Variants in PRR12 observed in about 807,000 individuals in gnomAD.
The protein encoded by PRR12 is proline-rich protein 12.
In PRR12, 12 loss-of-function variants were observed where a neutral mutation model predicts 138.0. The ratio of observed to expected loss-of-function variants is 0.09; its 90% CI spans 0.06 to 0.14. The LOEUF (loss-of-function observed/expected upper bound fraction) is 0.14, where lower values mean the gene tolerates loss of function less well. Ranked by LOEUF, PRR12 falls within the 10% of genes least tolerant of loss-of-function variation. The pLI is 1.00. For synonymous variants in PRR12, 1,567 were observed against 1,291.7 expected, an observed-to-expected ratio of 1.21 and a Z score of -4.57; for missense variants, 2,692 against 2,861.3, an observed-to-expected ratio of 0.94 and a Z score of 1.35.
intron 11 of PRR12, among the ~76,000 whole-genome samples, chr19:49,622,950 GAGAGAGAA>G (rs1362787708): frequency 0.061 from 6,918 of 113,876 alleles, 236 homozygotes; most frequent in African/African-American, 0.082. Context: ...GAGAGAGAGA[GAGAGAGAA>G]AGAGAGAGAG....
At chr19:49,617,540 A>G (rs1344818038) in intron 9 of PRR12, among the ~76,000 whole-genome samples, 6 of 152,180 alleles carry the variant, frequency 3.9e-5, no homozygotes, top group Non-Finnish European at 8.8e-5. Flanking sequence ...CTGAGGCAGA[A>G]GGATCACTTG....
rs1190605258 is a variant in PRR12, at chr19:49,616,091, A to G, written c.5369A>G (p.Lys1790Arg). ...CCCAAAGCCCGGCCTACCAAGGTGA[A>G]GGCTGAACCGCCCCCTAAGAAGAGG... is the stretch of plus-strand genomic sequence containing the variant. ...RLPKARPTKV[K>R]AEPPPKKRKK... Residue 1790 changes from lysine to arginine, a missense_variant, in exon 9 of 14, where the codon AAG (lysine) becomes AGG (arginine). Physicochemically the swap from Lys to Arg is conservative, Grantham distance 26 (BLOSUM62 2). Transcript: ENST00000418929. The surrounding 1 kb of genome is among the most constrained non-coding windows in gnomAD (Gnocchi z 4.2). The G allele has an allele frequency of 1.9e-6, 3 of 1,568,844 alleles. No individual in the cohort carries two copies. Among genetic ancestry groups the G allele is most frequent in the South Asian group, 1.2e-5 (1 of 84,948 alleles).
At chr19:49,607,713 G>T (rs1356777550) in intron 6 of PRR12, among the ~76,000 whole-genome samples, 1 of 115,562 alleles carries the variant, frequency 8.7e-6, no homozygotes, top group Admixed American at 9.1e-5. Context: ...GTCTCAAAAA[G>T]AAAAAAAAAA....
Position 49,597,769 on chromosome 19 carries a change from C to G in PRR12, c.3434C>G (p.Pro1145Arg), listed in dbSNP as rs760825547. ...CTGGGGGACATCGACTTCTGCCCAC[C>G]CAACCCAGGACCCGATGGCCCCCGG... ...SPLGDIDFCP[P>R]NPGPDGPRRR... is the part of the protein sequence containing the mutation. Residue 1145 changes from proline to arginine, a missense_variant, in exon 4 of 14, where the codon CCC (proline) becomes CGC (arginine). Physicochemically the swap from Pro to Arg is moderately radical, Grantham distance 103 (BLOSUM62 -2). This residue lies in a region of PRR12 where 326 missense variants were observed against 344.2 expected (regional missense o/e 0.95). Coordinates refer to ENST00000418929, the MANE Select transcript of PRR12 (RefSeq NM_020719.3). The surrounding 1 kb of genome is among the most constrained non-coding windows in gnomAD (Gnocchi z 6.3). 3 of 1,604,054 alleles carry G rather than the reference C, an allele frequency of 1.9e-6. No individual in the cohort carries two copies. The highest frequency in any genetic ancestry group is 2.6e-6 in the Non-Finnish European group (3 of 1,176,044).
rs1250247605 is a variant in PRR12, at chr19:49,595,976, C to T, written c.1641C>T (p.Gly547=). ...HSPALSGHGG[G]WGPSSLGGGG... is the part of the protein sequence containing the mutation. ...CAGCGCTCTCGGGCCATGGGGGTGG[C>T]TGGGGACCCAGCTCCCTGGGAGGCG... Residue 547 remains glycine, a synonymous_variant, in exon 4 of 14, where the codon GGC becomes GGT. Transcript: ENST00000418929. 2 of 1,600,634 alleles carry T rather than the reference C, an allele frequency of 1.2e-6. No individual in the cohort carries two copies.
Position 49,625,229 on chromosome 19 carries a change from C to G in PRR12, c.5964+29C>G. The G allele has an allele frequency of 6.3e-7, 1 of 1,599,056 alleles. No homozygotes were observed. Among genetic ancestry groups the G allele is most frequent in the South Asian group, 1.1e-5 (1 of 90,682 alleles). ...AGCCCCACCCACAGCACCCATCGCC[C>G]TGGGATTCCAACCTTTCTGACTTCC... is the stretch of plus-strand genomic sequence containing the variant. On this transcript the variant is annotated intron_variant, in intron 13 of 13. Coordinates refer to ENST00000418929, the MANE Select transcript of PRR12 (RefSeq NM_020719.3). This position sits in a 1 kb window ranked among gnomAD's most constrained non-coding sequence, Gnocchi z 5.5.
At chr19:49,624,360 G>A (rs948441684) in intron 11 of PRR12, among the ~76,000 whole-genome samples, 1 of 151,062 alleles carries the variant, frequency 6.6e-6, no homozygotes, top group African/African-American at 2.4e-5. Flanking sequence ...AGAATTCTGG[G>A]ATAGGTGGTT....
In PRR12 at chr19:49,596,284, C is replaced by T; in HGVS notation, c.1949C>T (p.Pro650Leu). 1 of 1,611,426 alleles carries T rather than the reference C, an allele frequency of 6.2e-7. No homozygotes were observed. Among genetic ancestry groups the T allele is most frequent in the Non-Finnish European group, 8.5e-7 (1 of 1,179,570 alleles). ...EFLIQHLLQA[P>L]SPPRTSGADG... is the part of the protein sequence containing the mutation. ...CTTATCCAGCACCTCTTGCAGGCGC[C>T]CAGCCCTCCTCGGACCTCAGGGGCG... The change falls in exon 4 of 14, where the codon CCC (proline) becomes CTC (leucine). Residue 650 changes from proline to leucine, a missense_variant. This residue lies in a region of PRR12 where 840 missense variants were observed against 689.8 expected (regional missense o/e 1.22). Transcript: ENST00000418929. This position sits in a 1 kb window ranked among gnomAD's most constrained non-coding sequence, Gnocchi z 5.6.
At position 49,594,811 on chromosome 19, in the gene PRR12, G is replaced by A; in HGVS notation, c.476G>A (p.Ser159Asn). The change falls in exon 4 of 14, where the codon AGC becomes AAC. Residue 159 changes from serine (S) to asparagine (N), a missense_variant. Physicochemically the swap from Ser to Asn is conservative, Grantham distance 46. Transcript: ENST00000418929. This position sits in a 1 kb window ranked among gnomAD's most constrained non-coding sequence, Gnocchi z 5.6. ...SAYQHPASFG[S>N]RPFPVPSSLS... ...TACCAACACCCGGCTTCCTTCGGCA[G>A]CCGCCCCTTCCCAGTGCCCTCGTCC... The A allele has an allele frequency of 2.5e-6, 4 of 1,612,468 alleles. No individual in the cohort carries two copies. The highest frequency in any genetic ancestry group is 3.4e-6 in the Non-Finnish European group (4 of 1,179,600).
At chr19:49,602,864 A>G (rs892966005) in intron 6 of PRR12, among the ~76,000 whole-genome samples, 3 of 152,206 alleles carry the variant, frequency 2.0e-5, no homozygotes, top group Non-Finnish European at 2.9e-5. Flanking sequence ...CCATAGCTTC[A>G]ATATTTACCT....
chr19:49,620,222 C>T, intron 9 of PRR12, 130 bp from the exon 10 acceptor site: 5 of 1,261,100 alleles, frequency 4.0e-6, no homozygotes, highest in South Asian at 1.4e-5. Context: ...TGTCAATCTT[C>T]CCTAGCGGAC....
chr19:49,596,282 G>T lies in PRR12; in HGVS notation c.1947G>T (p.Ala649=). 1 of 1,611,224 alleles carries T rather than the reference G, an allele frequency of 6.2e-7. No homozygotes were observed. Among genetic ancestry groups the T allele is most frequent in the Non-Finnish European group, 8.5e-7 (1 of 1,179,498 alleles). Residue 649 remains alanine, a synonymous_variant, in exon 4 of 14, where the codon GCG becomes GCT. Transcript: ENST00000418929. The surrounding 1 kb of genome is among the most constrained non-coding windows in gnomAD (Gnocchi z 5.6). ...TCCTTATCCAGCACCTCTTGCAGGC[G>T]CCCAGCCCTCCTCGGACCTCAGGGG... ...EEFLIQHLLQ[A]PSPPRTSGAD...
intron 8 of PRR12, 113 bp from the exon 9 acceptor site, chr19:49,615,634 G>GGGGAC: frequency 1.2e-6 from 1 of 837,552 alleles, no homozygotes; most frequent in Non-Finnish European, 1.8e-6. Context: ...AGAGAGAGGA[G>GGGGAC]GGGACAGTAT....
At chr19:49,617,130 CAAAA>C (rs774039937) in intron 9 of PRR12, among the ~76,000 whole-genome samples, 241 of 76,036 alleles carry the variant, frequency 3.2e-3, no homozygotes, top group African/African-American at 7.7e-3. Flanking sequence ...GACTCCGTCT[CAAAA>C]AAAAAAAAAA....
At chr19:49,608,280 A>G (rs1018971804) in intron 6 of PRR12, among the ~76,000 whole-genome samples, 16 of 151,918 alleles carry the variant, frequency 1.1e-4, no homozygotes, top group Admixed American at 7.2e-4. Context: ...ACTTGAGCCC[A>G]GGAGTTTGAG....
chr19:49,615,040 A>G, intron 8 of PRR12, 31 bp downstream of exon 8: 1 of 1,612,752 alleles, frequency 6.2e-7, no homozygotes, highest in East Asian at 2.2e-5. Context: ...AGGGGCAGGT[A>G]GTATGTAGCG....
At position 49,625,307 on chromosome 19, in the gene PRR12, T is replaced by G; in HGVS notation, c.5964+107T>G. The G allele has an allele frequency of 6.9e-7, 1 of 1,454,172 alleles. No homozygotes were observed. The highest frequency in any genetic ancestry group is 1.4e-5 in the African/African-American group (1 of 71,114). The allele number at this position is 1,454,172 out of a possible 1,614,324, so 90.1% of individuals were successfully genotyped here. ...CCCCATCCTGCCTCAGACCCAAGAG[T>G]TCAGGTCCTTCTGTCTTGGACTTAA... On this transcript the variant is annotated intron_variant, in intron 13 of 13. Transcript: ENST00000418929. The surrounding 1 kb of genome is among the most constrained non-coding windows in gnomAD (Gnocchi z 5.5).
At chr19:49,603,706 AATAAT>A (rs906256481) in intron 6 of PRR12, among the ~76,000 whole-genome samples, 1 of 152,060 alleles carries the variant, frequency 6.6e-6, no homozygotes, top group African/African-American at 2.4e-5. Context: ...TCGAAAAAAT[AATAAT>A]AATAATAATT....
intron 5 of PRR12, 94 bp downstream of exon 5, chr19:49,600,032 C>G (rs1350562060): frequency 1.6e-6 from 2 of 1,280,616 alleles, no homozygotes; most frequent in Admixed American, 2.8e-5. Context: ...TTAAGAGACA[C>G]CATTCACATA....
Sources: allele counts gnomAD v4.1 joint callset (sites outside exome capture counted in the v4.1 genomes callset), GRCh38; gene constraint gnomAD v4.1.1; regional missense constraint gnomAD v4.1.1; non-coding constraint Gnocchi (gnomAD v3.1); transcripts MANE v1.5; gene names NCBI Gene and HGNC (gene_info 2026-07-23, HGNC 2026-07-21).